The following ISM2 variants were observed in gnomAD, a reference collection of about 807,000 sequenced individuals.
ISM2 encodes the protein isthmin-2.
Under a neutral mutation model 58.0 loss-of-function variants are expected in ISM2, and 50 were observed. The observed-to-expected ratio is 0.86, with a 90% confidence interval of 0.69 to 1.09. ISM2 has a LOEUF of 1.09. Ranked by LOEUF, ISM2 falls within the 50% of genes least tolerant of loss-of-function variation. The pLI is 0.00. For synonymous variants in ISM2, 303 were observed against 312.4 expected, an observed-to-expected ratio of 0.97 and a Z score of 0.32; for missense variants, 723 against 745.0, an observed-to-expected ratio of 0.97 and a Z score of 0.34.
chr14:77,483,431 C>A (rs2079145232), intron 3 of ISM2, among the ~76,000 whole-genome samples: 1 of 151,738 alleles, frequency 6.6e-6, no homozygotes, highest in Non-Finnish European at 1.5e-5. Context: ...GTTGGTGCAC[C>A]CAGCTACTTG....
intron 1 of ISM2, among the ~76,000 whole-genome samples, chr14:77,497,737 A>AGGAGGGAGGGAGGGAGGGAG (rs1292866877): frequency 1.1e-4 from 5 of 46,350 alleles, no homozygotes; most frequent in African/African-American, 3.4e-4. Flanking sequence ...GTAGGAAGGA[A>AGGAGGGAGGGAGGGAGGGAG]GGAGGGAGGG....
rs987300594 is a variant in ISM2 at position 77,478,687 on chromosome 14, G to C, written c.1002C>G (p.Pro334=). Residue 334 remains proline (P), a synonymous_variant, in exon 5 of 7, where the codon CCC becomes CCG. Transcript: ENST00000342219. ...YDYEPQKEWS[P]WSPCSGNCST... is the part of the protein sequence containing the mutation. ...TGCAGTTCCCACTGCAGGGAGACCA[G>C]GGACTCCACTCCTTCTGAGGCTCAT... The C allele has an allele frequency of 1.9e-6, 3 of 1,613,346 alleles. No individual in the cohort carries two copies. The highest frequency in any genetic ancestry group is 2.7e-5 in the African/African-American group (2 of 74,900).
intron 1 of ISM2, among the ~76,000 whole-genome samples, chr14:77,486,400 G>A (rs2079168115): frequency 1.3e-5 from 2 of 152,186 alleles, no homozygotes; most frequent in Admixed American, 1.3e-4. Context: ...GGGCAGCCGT[G>A]GGCCCATCTC....
At chr14:77,478,138 T>TG in intron 6 of ISM2, 104 bp downstream of exon 6, 1 of 911,234 alleles carries the variant, frequency 1.1e-6, no homozygotes, top group South Asian at 1.5e-5. Flanking sequence ...CTGTGCTCTC[T>TG]GCCTAGTGGA....
At position 77,474,903 on chromosome 14, in the gene ISM2, G is replaced by C. The variant is rs1351953513; in HGVS notation, c.*692C>G. Reference sequence around the variant, plus strand: ...AACAGAGGGGGCTGAGCAAAGGAAAGGGACCAGAATTGGGCAACCCATTCC... The same window carrying C: ...AACAGAGGGGGCTGAGCAAAGGAAACGGACCAGAATTGGGCAACCCATTCC... On this transcript the variant is annotated 3_prime_UTR_variant, in exon 7 of 7. Transcript: ENST00000342219. 4 of 152,298 alleles carry C rather than the reference G, an allele frequency of 2.6e-5. No individual in the cohort carries two copies. Among genetic ancestry groups the C allele is most frequent in the Admixed American group, 1.3e-4 (2 of 15,292 alleles). 9.4% of individuals were successfully genotyped at this position (152,298 alleles called of 1,614,324 possible). A position where few individuals can be genotyped will look rare whatever the true frequency, so the allele number is the denominator to read the frequency against.
intron 1 of ISM2, among the ~76,000 whole-genome samples, chr14:77,489,942 C>A (rs2079191664): frequency 6.6e-6 from 1 of 152,208 alleles, no homozygotes; most frequent in Non-Finnish European, 1.5e-5. Context: ...TGGCTCACTG[C>A]AAGCTAAGCC....
At position 77,484,861 on chromosome 14, in the gene ISM2, G is replaced by T. The variant is rs2079158000; in HGVS notation, c.200C>A (p.Pro67His). 3.1e-6 allele frequency: 5 copies of T among 1,597,540 alleles called. No individual in the cohort carries two copies. The South Asian group carries it at 5.7e-5, about 18-fold the overall frequency. Reference protein sequence around the residue: ...LKEEEEAPLLPRTHLQAEPHQ... With the variant: ...LKEEEEAPLLHRTHLQAEPHQ... ...TGGCTCTGCCTGCAGGTGGGTTCTG[G>T]GGAGCAGTGGTGCCTCCTCCTCTTC... is the stretch of plus-strand genomic sequence containing the variant. The change falls in exon 2 of 7, where the codon CCC (proline) becomes CAC (histidine). Residue 67 changes from proline (P) to histidine (H), a missense_variant. Transcript: ENST00000342219.
intron 1 of ISM2, among the ~76,000 whole-genome samples, chr14:77,488,494 T>G (rs572701150): frequency 6.6e-6 from 1 of 152,270 alleles, no homozygotes; most frequent in South Asian, 2.1e-4. Context: ...CTCAGCTGAA[T>G]GTGGTGGAAA....
intron 1 of ISM2, 134 bp downstream of exon 1, chr14:77,498,519 G>A: frequency 7.6e-7 from 1 of 1,314,054 alleles, no homozygotes; most frequent in Non-Finnish European, 1.0e-6. Context: ...CTTCCGGCCG[G>A]CCCCGGCCCC....
chr14:77,496,310 G>A (rs1333185064), intron 1 of ISM2, among the ~76,000 whole-genome samples: 1 of 150,008 alleles, frequency 6.7e-6, no homozygotes. Flanking sequence ...CCAACATGCA[G>A]AAACCCCATC....
In ISM2 at chr14:77,475,766, G is replaced by C; in HGVS notation, c.1545C>G (p.Thr515=). 6.2e-7 allele frequency: 1 copy of C among 1,613,622 alleles called. No homozygotes were observed. The highest frequency in any genetic ancestry group is 1.1e-5 in the South Asian group (1 of 91,058). Residue 515 remains threonine, a synonymous_variant, in exon 7 of 7, where the codon ACC becomes ACG. Coordinates refer to ENST00000342219, the MANE Select transcript of ISM2 (RefSeq NM_199296.3). This position sits in a 1 kb window ranked among gnomAD's most constrained non-coding sequence, Gnocchi z 4.1. The part of the protein sequence containing the change: ...KGAGMPNLIS[T]DFSPKLHFKF... The stretch of plus-strand genomic sequence containing the variant: ...TGAAGTGCAGCTTAGGTGAGAAGTC[G>C]GTGCTGATGAGGTTGGGCATGCCGG...
At chr14:77,481,360 A>T (rs573743774) in intron 4 of ISM2, among the ~76,000 whole-genome samples, 1 of 152,082 alleles carries the variant, frequency 6.6e-6, no homozygotes, top group East Asian at 1.9e-4. Flanking sequence ...AAAAAAAAAA[A>T]TCTGTCATCA....
chr14:77,492,704 T>G (rs2079213644), intron 1 of ISM2, among the ~76,000 whole-genome samples: 1 of 151,996 alleles, frequency 6.6e-6, no homozygotes, highest in African/African-American at 2.4e-5. Context: ...TTTAATTAAT[T>G]TATTTATTTG....
chr14:77,498,750 A>C lies in ISM2; in HGVS notation c.44T>G (p.Leu15Arg), dbSNP rs1594958864. 6.7e-7 allele frequency: 1 copy of C among 1,481,612 alleles called. No homozygotes were observed. Among genetic ancestry groups the C allele is most frequent in the African/African-American group, 1.5e-5 (1 of 68,022 alleles). 91.8% of individuals were successfully genotyped at this position (1,481,612 alleles called of 1,614,324 possible). Residue 15 changes from leucine to arginine, a missense_variant, in exon 1 of 7, where the codon CTG (leucine) becomes CGG (arginine). By Grantham distance (102) the Leu-to-Arg change is moderately radical. Transcript: ENST00000342219. ...CGCCTCCAGCAGCGCCGCCAGCAGC[A>C]GCACGCAGAGGAGGAGCCCGGCTCG... ...RDRAGLLLCV[L>R]LLAALLEAAL...
chr14:77,498,776 G>C lies in ISM2; in HGVS notation c.18C>G (p.Asp6Glu), dbSNP rs2079266337. 5 of 1,456,894 alleles carry C rather than the reference G, an allele frequency of 3.4e-6. No individual in the cohort carries two copies. The highest frequency in any genetic ancestry group is 4.5e-6 in the Non-Finnish European group (5 of 1,113,844). 90.2% of individuals were successfully genotyped at this position (1,456,894 alleles called of 1,614,324 possible). ...GCACGCAGAGGAGGAGCCCGGCTCG[G>C]TCGCGGAGCGCACGCATCGTCTCGG... MRALR[D>E]RAGLLLCVLL... Residue 6 changes from aspartate (D) to glutamate (E), a missense_variant, in exon 1 of 7, where the codon GAC (aspartate) becomes GAG (glutamate). Coordinates refer to ENST00000342219, the MANE Select transcript of ISM2 (RefSeq NM_199296.3).
intron 1 of ISM2, among the ~76,000 whole-genome samples, chr14:77,497,640 G>A (rs1357600846): frequency 2.6e-5 from 4 of 151,244 alleles, no homozygotes; most frequent in South Asian, 2.1e-4. Context: ...GCTACAGTGA[G>A]CTATCATCAC....
At chr14:77,482,836 A>G (rs1455291715) in intron 3 of ISM2, 169 bp from the exon 4 acceptor site, 1 of 543,992 alleles carries the variant, frequency 1.8e-6, no homozygotes, top group Non-Finnish European at 3.2e-6. Flanking sequence ...CTCTTAGGGC[A>G]CAAGAATCAC....
chr14:77,478,809 C>A, intron 4 of ISM2, 94 bp from the exon 5 acceptor site: 1 of 1,294,736 alleles, frequency 7.7e-7, no homozygotes, highest in Non-Finnish European at 1.1e-6. Flanking sequence ...CAGGTGGATG[C>A]AGCCCATGCC....
Position 77,475,808 on chromosome 14 carries a change from C to T in ISM2, c.1503G>A (p.Leu501=), listed in dbSNP as rs763908533. ...GCATGCCGGCGCCCTTGCCACGGGT[C>T]AGCAGCCGGCTGTCCTCGTCATAGC... ...HCCYDEDSRL[L]TRGKGAGMPN... is the part of the protein sequence containing the mutation. Residue 501 remains leucine (L), a synonymous_variant, in exon 7 of 7, where the codon CTG becomes CTA. Coordinates refer to ENST00000342219, the MANE Select transcript of ISM2 (RefSeq NM_199296.3). The surrounding 1 kb of genome is among the most constrained non-coding windows in gnomAD (Gnocchi z 4.1). The T allele has an allele frequency of 6.2e-7, 1 of 1,613,038 alleles. No homozygotes were observed. The highest frequency in any genetic ancestry group is 2.2e-5 in the East Asian group (1 of 44,876).
Sources: gnomAD v4.1 joint callset for allele counts (sites outside exome capture counted in the v4.1 genomes callset) on GRCh38, gnomAD v4.1.1 for gene constraint, Gnocchi (gnomAD v3.1) non-coding constraint, MANE v1.5 for transcripts, NCBI Gene and HGNC (gene_info 2026-07-23, HGNC 2026-07-21) for gene names.